BORA: variants seen among roughly 807,000 people sequenced by gnomAD.
BORA encodes BORA aurora kinase A activator, also known as protein aurora borealis.
BORA carries 26 observed loss-of-function variants against 55.8 expected under a neutral mutation model. The observed-to-expected ratio is 0.47, with a 90% CI of 0.34 to 0.65. The LOEUF is 0.65. Among genes scored for constraint, BORA ranks in the 30% least tolerant of loss-of-function variants. The pLI is 0.01. For missense variants in BORA, 568 were observed against 671.5 expected, an observed-to-expected ratio of 0.85 and a Z score of 1.70; for synonymous variants, 201 against 216.9, an observed-to-expected ratio of 0.93 and a Z score of 0.64.
At chr13:72,730,079 G>A (rs1292090407) in intron 2 of BORA, among the ~76,000 whole-genome samples, 1 of 151,942 alleles carries the variant, frequency 6.6e-6, no homozygotes, top group Non-Finnish European at 1.5e-5. Flanking sequence ...ACAGGCATGA[G>A]CCACCATGCC....
At chr13:72,754,296 A>C (rs1418647233) in intron 11 of BORA, 1 of 155,120 alleles carries the variant, frequency 6.4e-6, no homozygotes, top group East Asian at 1.9e-4. Flanking sequence ...CCAGCCTTGT[A>C]TGCCGTTTCT....
In BORA at chr13:72,753,745, G is replaced by C. The variant is rs1286122932; in HGVS notation, c.1538G>C (p.Gly513Ala). The C allele has an allele frequency of 1.2e-6, 2 of 1,613,190 alleles. No homozygotes were observed. Among genetic ancestry groups the C allele is most frequent in the African/African-American group, 1.3e-5 (1 of 74,828 alleles). ...GGAAGCAATATTATGGATACAGTTG[G>C]GGCAGAAAGTTACTGCAAAGAAAGT... ...NCGSNIMDTVGAESYCKESDA... is the reference protein window; with the variant it reads ...NCGSNIMDTVAAESYCKESDA... Residue 513 changes from glycine to alanine, a missense_variant, in exon 11 of 12, where the codon GGG becomes GCG. By Grantham distance (60) the Gly-to-Ala change is moderately conservative. Coordinates refer to ENST00000390667, the MANE Select transcript of BORA (RefSeq NM_024808.5).
chr13:72,736,277 T>G (rs934608240), intron 4 of BORA, among the ~76,000 whole-genome samples: 1 of 151,914 alleles, frequency 6.6e-6, no homozygotes, highest in Non-Finnish European at 1.5e-5. Context: ...CAATATATAT[T>G]TTTGAAAATA....
chr13:72,737,997 G>T lies in BORA; in HGVS notation c.342G>T (p.Trp114Cys). Reference sequence around the variant, plus strand: ...AAGATGTCATCGTACCCTCTCCTTGGACTGATCATGAAGGGAAACAGCTTT... The same window carrying T: ...AAGATGTCATCGTACCCTCTCCTTGTACTGATCATGAAGGGAAACAGCTTT... Reference protein sequence around the residue: ...FTKDVIVPSPWTDHEGKQLSQ... With the variant: ...FTKDVIVPSPCTDHEGKQLSQ... Residue 114 changes from tryptophan (W) to cysteine (C), a missense_variant, in exon 5 of 12, where the codon TGG (tryptophan) becomes TGT (cysteine). By Grantham distance (215) the Trp-to-Cys change is radical. Coordinates refer to ENST00000390667, the MANE Select transcript of BORA (RefSeq NM_024808.5). 2 of 1,601,170 alleles carry T rather than the reference G, an allele frequency of 1.2e-6. No individual in the cohort carries two copies. The highest frequency in any genetic ancestry group is 2.2e-5 in the South Asian group (2 of 89,832).
chr13:72,753,849 A>G (rs1386163743), intron 11 of BORA, 28 bp downstream of exon 11: 2 of 1,577,424 alleles, frequency 1.3e-6, no homozygotes, highest in African/African-American at 1.4e-5. Flanking sequence ...TGAAAGCTTA[A>G]TATTGTTTAG....
intron 10 of BORA, among the ~76,000 whole-genome samples, chr13:72,749,283 A>C (rs1213647645): frequency 6.6e-6 from 1 of 152,148 alleles, no homozygotes; most frequent in East Asian, 1.9e-4. Context: ...CTCCCTGGAC[A>C]TGGATAGGCA....
intron 1 of BORA, chr13:72,728,208 G>A: frequency 1.3e-6 from 1 of 759,164 alleles, no homozygotes; most frequent in South Asian, 1.5e-5. Context: ...CAGGGAAGCC[G>A]GCTGCATCTC....
At chr13:72,741,604 T>G (rs2033034663) in intron 5 of BORA, among the ~76,000 whole-genome samples, 1 of 152,230 alleles carries the variant, frequency 6.6e-6, no homozygotes, top group Admixed American at 6.5e-5. Flanking sequence ...ATTTTTATTT[T>G]GGTGCAGTCA....
chr13:72,750,747 A>C (rs955805975), intron 10 of BORA, among the ~76,000 whole-genome samples: 2 of 152,188 alleles, frequency 1.3e-5, no homozygotes, highest in East Asian at 3.8e-4. Flanking sequence ...TTTTACAGTC[A>C]GAAGCTAATC....
At chr13:72,742,767 T>TACACACACAC (rs67866253) in intron 5 of BORA, among the ~76,000 whole-genome samples, 2 of 141,654 alleles carry the variant, frequency 1.4e-5, no homozygotes, top group African/African-American at 5.3e-5. Context: ...TATATATATA[T>TACACACACAC]ACACACACAC....
intron 3 of BORA, among the ~76,000 whole-genome samples, chr13:72,733,168 C>T (rs1410566064): frequency 2.6e-5 from 4 of 152,196 alleles, no homozygotes; most frequent in Non-Finnish European, 5.9e-5. Context: ...CAGAGCATCT[C>T]GTTTCATCCT....
At chr13:72,743,506 CAT>C in intron 5 of BORA, 29 bp from the exon 6 acceptor site, 7 of 1,527,006 alleles carry the variant, frequency 4.6e-6, no homozygotes, top group Non-Finnish European at 6.3e-6. Context: ...GAGTATAAAA[CAT>C]AGGATTTTTC....
rs540620528 is a variant in BORA, at chr13:72,755,835, A to G, written c.*619A>G. 7 of 398,598 alleles carry G rather than the reference A, an allele frequency of 1.8e-5. No individual in the cohort carries two copies. Among genetic ancestry groups the G allele is most frequent in the East Asian group, 3.6e-5 (1 of 28,072 alleles). 24.7% of individuals were successfully genotyped at this position (398,598 alleles called of 1,614,324 possible). On this transcript the variant is annotated 3_prime_UTR_variant, in exon 12 of 12. Coordinates refer to ENST00000390667, the MANE Select transcript of BORA (RefSeq NM_024808.5). ...TAGTACTAGTGACATCATCACGTGT[A>G]TTGTTATCTATGGGGCAAATGTGTG...
In BORA at chr13:72,755,690, GAAATT is replaced by G. The variant is rs1458303871; in HGVS notation, c.*478_*482del. ...AAACTAACTTTTCAAAGATACAAAA[GAAATT>G]AAACAGGTTTCCTGAAATTTTAGTT... On this transcript the variant is annotated 3_prime_UTR_variant, in exon 12 of 12. Transcript: ENST00000390667. 7.6e-6 allele frequency: 3 copies of G among 394,654 alleles called. No homozygotes were observed. Among genetic ancestry groups the G allele is most frequent in the Non-Finnish European group, 1.3e-5 (3 of 224,232 alleles). 24.4% of individuals were successfully genotyped at this position (394,654 alleles called of 1,614,324 possible).
intron 5 of BORA, among the ~76,000 whole-genome samples, chr13:72,739,376 A>C (rs1274998585): frequency 2.6e-5 from 4 of 152,216 alleles, no homozygotes; most frequent in African/African-American, 9.6e-5. Flanking sequence ...ATAACAGTGC[A>C]GTGGTTAATA....
Position 72,731,261 on chromosome 13 carries a change from G to A in BORA, c.154-20G>A. 6.6e-7 allele frequency: 1 copy of A among 1,508,364 alleles called. No individual in the cohort carries two copies. The highest frequency in any genetic ancestry group is 9.2e-7 in the Non-Finnish European group (1 of 1,090,358). The allele number at this position is 1,508,364 out of a possible 1,614,324, so 93.4% of individuals were successfully genotyped here. Reference sequence around the variant, plus strand: ...TATTTTAGTTTGCCTTTACTCATAAGCTCACTTTCTTTTGTTAAGACTCCA... The same window carrying A: ...TATTTTAGTTTGCCTTTACTCATAAACTCACTTTCTTTTGTTAAGACTCCA... On this transcript the variant is annotated intron_variant, in intron 2 of 11. Coordinates refer to ENST00000390667, the MANE Select transcript of BORA (RefSeq NM_024808.5).
At chr13:72,752,371 A>T (rs1357554013) in intron 10 of BORA, 8 of 152,120 alleles carry the variant, frequency 5.3e-5, no homozygotes, top group Non-Finnish European at 1.0e-4. Flanking sequence ...CATTAGCAGA[A>T]GTCTAGATGA....
intron 5 of BORA, among the ~76,000 whole-genome samples, chr13:72,739,364 C>T (rs1015656542): frequency 3.3e-5 from 5 of 152,140 alleles, no homozygotes; most frequent in African/African-American, 1.2e-4. Flanking sequence ...ATCAAGCCCA[C>T]GATAACAGTG....
intron 3 of BORA, among the ~76,000 whole-genome samples, chr13:72,733,554 G>C (rs1419009384): frequency 6.6e-6 from 1 of 152,178 alleles, no homozygotes; most frequent in Non-Finnish European, 1.5e-5. Flanking sequence ...AAGTCCCTCT[G>C]ATGAAGTAGC....
Sources: gnomAD v4.1 joint callset for allele counts (sites outside exome capture counted in the v4.1 genomes callset) on GRCh38, gnomAD v4.1.1 for gene constraint, MANE v1.5 for transcripts, NCBI Gene and HGNC (gene_info 2026-07-23, HGNC 2026-07-21) for gene names.